The following CCDC91 variants were observed in gnomAD, a reference collection of about 807,000 sequenced individuals.
The protein encoded by CCDC91 is coiled-coil domain containing 91, also known as coiled-coil domain-containing protein 91.
In CCDC91, 48 loss-of-function variants were observed where a neutral mutation model predicts 63.2. That is an observed-to-expected ratio of 0.76 (90% CI 0.60 to 0.97). The LOEUF (loss-of-function observed/expected upper bound fraction) is 0.97, where lower values mean the gene tolerates loss of function less well. CCDC91 is among the 50% of genes least tolerant of loss of function. The probability of loss-of-function intolerance (pLI) is 0.00; values close to 1 mark genes in which losing one functional copy is unlikely to be tolerated. For missense variants in CCDC91, 500 were observed against 494.6 expected, an observed-to-expected ratio of 1.01 and a Z score of -0.10; for synonymous variants, 167 against 165.8, an observed-to-expected ratio of 1.01 and a Z score of -0.06.
intron 3 of CCDC91, among the ~76,000 whole-genome samples, chr12:28,261,406 G>A (rs1218861332): frequency 6.6e-6 from 1 of 151,830 alleles, no homozygotes; most frequent in Non-Finnish European, 1.5e-5. Context: ...TGGAATAGGA[G>A]GAGGTAAAAG....
chr12:28,288,602 T>C (rs537591228), intron 3 of CCDC91, among the ~76,000 whole-genome samples: 1 of 152,152 alleles, frequency 6.6e-6, no homozygotes, highest in South Asian at 2.1e-4. Flanking sequence ...CCACAAGTGT[T>C]TTTGCATTGA....
At chr12:28,494,276 T>C (rs1272460882) in intron 12 of CCDC91, among the ~76,000 whole-genome samples, 7 of 151,652 alleles carry the variant, frequency 4.6e-5, no homozygotes, top group African/African-American at 1.7e-4. Flanking sequence ...GGAAGCCTCC[T>C]TTTTTTCTGG....
At chr12:28,238,420 T>C (rs998356823) in intron 1 of CCDC91, among the ~76,000 whole-genome samples, 2 of 152,138 alleles carry the variant, frequency 1.3e-5, no homozygotes, top group African/African-American at 4.8e-5. Flanking sequence ...GCAATAACAT[T>C]GTATTGGCAA....
At chr12:28,230,422 G>T (rs1487321048) in intron 1 of CCDC91, among the ~76,000 whole-genome samples, 1 of 152,096 alleles carries the variant, frequency 6.6e-6, no homozygotes, top group African/African-American at 2.4e-5. Flanking sequence ...GTATTTACTA[G>T]TAGGAGCAAA....
chr12:28,525,574 G>A (rs1177554423), intron 12 of CCDC91, among the ~76,000 whole-genome samples: 1 of 152,098 alleles, frequency 6.6e-6, no homozygotes, highest in African/African-American at 2.4e-5. Flanking sequence ...TGTATATTCT[G>A]TGGTTGTTGG....
rs1944813312 is a variant in CCDC91 at position 28,234,596 on chromosome 12, G to T, written c.-14-22606G>T. 2.6e-5 allele frequency among the ~76,000 whole-genome samples: 4 copies of T among 152,246 alleles called. No homozygotes were observed. The East Asian group carries it at 7.7e-4, about 29-fold the overall frequency. ...ATAGTATACAGTTCAGCTAATGGGA[G>T]CATGAGTGCTAGGTCTTGTCTTATT... On this transcript the variant is annotated intron_variant, in intron 1 of 12. Transcript: ENST00000536442.
chr12:28,510,830 C>G (rs1292761599), intron 12 of CCDC91, among the ~76,000 whole-genome samples: 3 of 151,838 alleles, frequency 2.0e-5, no homozygotes, highest in Non-Finnish European at 2.9e-5. Flanking sequence ...CCAAATTCCT[C>G]TCTTAAGAAT....
intron 8 of CCDC91, among the ~76,000 whole-genome samples, chr12:28,432,343 T>C (rs987257500): frequency 1.3e-5 from 2 of 152,242 alleles, no homozygotes. Context: ...TCACCTCCTG[T>C]CTAGGGAGGG....
intron 8 of CCDC91, among the ~76,000 whole-genome samples, chr12:28,410,714 G>C (rs775672367): frequency 6.6e-5 from 10 of 151,980 alleles, no homozygotes; most frequent in Non-Finnish European, 1.3e-4. Flanking sequence ...TAGAGACAGG[G>C]TTTCACTATG....
chr12:28,317,605 T>A (rs564248653), intron 6 of CCDC91, among the ~76,000 whole-genome samples: 175 of 152,134 alleles, frequency 1.2e-3, no homozygotes, highest in Middle Eastern at 3.4e-3. Flanking sequence ...TATTTTCACC[T>A]TGAGTTTTAT....
intron 1 of CCDC91, among the ~76,000 whole-genome samples, chr12:28,199,455 C>T (rs947804043): frequency 3.9e-5 from 6 of 152,108 alleles, no homozygotes; most frequent in African/African-American, 1.4e-4. Flanking sequence ...GCTGTCTTTT[C>T]AATCACATAG....
chr12:28,197,048 C>T (rs542638992), intron 1 of CCDC91, among the ~76,000 whole-genome samples: 22 of 152,120 alleles, frequency 1.4e-4, no homozygotes, highest in African/African-American at 5.1e-4. Context: ...AATATTTGTG[C>T]TTAACTCTGA....
intron 3 of CCDC91, among the ~76,000 whole-genome samples, chr12:28,260,278 G>C (rs1193533763): frequency 6.6e-6 from 1 of 151,878 alleles, no homozygotes; most frequent in East Asian, 1.9e-4. Flanking sequence ...GTAGTAACCT[G>C]GCAGCTGGAA....
rs553886826 is a variant in CCDC91, at chr12:28,228,478, A to G, written c.-14-28724A>G. The stretch of plus-strand genomic sequence containing the variant: ...TTTTCACTCTGTTAACATTTGTTGC[A>G]TAGATTACCTCACGAATACAGAATT... On this transcript the variant is annotated intron_variant, in intron 1 of 12. Transcript: ENST00000536442. 3.3e-5 allele frequency among the ~76,000 whole-genome samples: 5 copies of G among 152,256 alleles called. No homozygotes were observed. In the East Asian group the frequency reaches 9.6e-4, roughly 29 times the overall value.
At chr12:28,544,975 C>A (rs929637474) in intron 12 of CCDC91, among the ~76,000 whole-genome samples, 2 of 151,962 alleles carry the variant, frequency 1.3e-5, no homozygotes, top group African/African-American at 4.8e-5. Context: ...AGGCTTTCAG[C>A]AGTTATACCA....
At chr12:28,520,051 A>G (rs1940445268) in intron 12 of CCDC91, among the ~76,000 whole-genome samples, 3 of 152,088 alleles carry the variant, frequency 2.0e-5, no homozygotes, top group African/African-American at 7.2e-5. Context: ...ATGTGTCTTT[A>G]TAGCAGCATG....
chr12:28,519,179 G>T (rs191544954), intron 12 of CCDC91, among the ~76,000 whole-genome samples: 2 of 151,962 alleles, frequency 1.3e-5, no homozygotes, highest in Admixed American at 1.3e-4. Flanking sequence ...CCATCCATGC[G>T]CATGGAATGT....
At chr12:28,370,140 TTCAG>T (rs1427790891) in intron 7 of CCDC91, among the ~76,000 whole-genome samples, 1 of 152,238 alleles carries the variant, frequency 6.6e-6, no homozygotes, top group Non-Finnish European at 1.5e-5. Flanking sequence ...CTATTGCATG[TTCAG>T]TCAGTCTGCA....
At chr12:28,548,026 T>C (rs1392036813) in intron 12 of CCDC91, among the ~76,000 whole-genome samples, 1 of 152,102 alleles carries the variant, frequency 6.6e-6, no homozygotes, top group Non-Finnish European at 1.5e-5. Flanking sequence ...AGTTTTGTTA[T>C]TTTTACCCTA....
Sources: allele counts gnomAD v4.1 joint callset (sites outside exome capture counted in the v4.1 genomes callset), GRCh38; gene constraint gnomAD v4.1.1; transcripts MANE v1.5; gene names NCBI Gene and HGNC (gene_info 2026-07-23, HGNC 2026-07-21).